Variants in GFRA1 observed in about 807,000 individuals in gnomAD.
GFRA1 encodes the protein GDNF family receptor alpha 1, also known as GDNF family receptor alpha-1.
A neutral mutation model predicts 51.6 loss-of-function variants in GFRA1; 16 were observed. That is an observed-to-expected ratio of 0.31 (90% CI 0.21 to 0.47). GFRA1 has a LOEUF of 0.47. GFRA1 is among the 20% of genes least tolerant of loss of function. The pLI, the probability that GFRA1 is intolerant of heterozygous loss-of-function variation, is 1.00. For missense variants in GFRA1, 530 were observed against 594.3 expected (o/e 0.89, Z 1.13); for synonymous variants, 270 against 241.3 (o/e 1.12, Z -1.10).
At chr10:116,208,467 G>T (rs1387361945) in intron 5 of GFRA1, among the ~76,000 whole-genome samples, 1 of 152,268 alleles carries the variant, frequency 6.6e-6, no homozygotes, top group East Asian at 1.9e-4. Context: ...CATGCCCTGT[G>T]TTTGAGGGGT....
intron 6 of GFRA1, among the ~76,000 whole-genome samples, chr10:116,107,418 C>T (rs1045861753): frequency 6.6e-6 from 1 of 152,168 alleles, no homozygotes; most frequent in Admixed American, 6.5e-5. Context: ...GTCCTAAGGA[C>T]AATTGATCCC....
intron 5 of GFRA1, among the ~76,000 whole-genome samples, chr10:116,179,623 G>A (rs1290339446): frequency 6.6e-6 from 1 of 152,170 alleles, no homozygotes; most frequent in South Asian, 2.1e-4. Context: ...CAGAAGATAT[G>A]GTGGGCCTTT....
At chr10:116,152,485 G>C (rs1959101856) in intron 5 of GFRA1, among the ~76,000 whole-genome samples, 1 of 152,178 alleles carries the variant, frequency 6.6e-6, no homozygotes. Context: ...AAGAGGCCCA[G>C]CAGAGGGCAG....
intron 10 of GFRA1, among the ~76,000 whole-genome samples, chr10:116,065,294 A>AT (rs1642929861): frequency 1.3e-5 from 2 of 152,174 alleles, no homozygotes; most frequent in Non-Finnish European, 2.9e-5. Context: ...GTGCTGGATG[A>AT]TTTTACATGA....
intron 6 of GFRA1, among the ~76,000 whole-genome samples, chr10:116,113,885 T>C (rs559343650): frequency 6.6e-6 from 1 of 152,236 alleles, no homozygotes; most frequent in South Asian, 2.1e-4. Flanking sequence ...ACAAAGTAAA[T>C]GCCAAGTACG....
chr10:116,106,017 T>G (rs771358113), intron 6 of GFRA1, among the ~76,000 whole-genome samples: 1 of 152,124 alleles, frequency 6.6e-6, no homozygotes, highest in African/African-American at 2.4e-5. Context: ...CAGGAGTCTT[T>G]AAAAGTGGAA....
At chr10:116,112,982 G>A (rs1203903207) in intron 6 of GFRA1, among the ~76,000 whole-genome samples, 1 of 152,154 alleles carries the variant, frequency 6.6e-6, no homozygotes, top group East Asian at 1.9e-4. Context: ...AGATTACTCT[G>A]GTCCATCTAG....
intron 5 of GFRA1, among the ~76,000 whole-genome samples, chr10:116,144,806 A>G (rs1173634392): frequency 6.6e-6 from 1 of 152,220 alleles, no homozygotes; most frequent in Non-Finnish European, 1.5e-5. Flanking sequence ...AACAAGACAT[A>G]TAATACCTCC....
intron 5 of GFRA1, among the ~76,000 whole-genome samples, chr10:116,138,070 G>A (rs998920210): frequency 6.6e-6 from 1 of 152,088 alleles, no homozygotes; most frequent in Admixed American, 6.5e-5. Flanking sequence ...CAAAGTGCTG[G>A]GATTACAGGC....
At chr10:116,208,471 G>C (rs1964949658) in intron 5 of GFRA1, among the ~76,000 whole-genome samples, 1 of 152,132 alleles carries the variant, frequency 6.6e-6, no homozygotes, top group Non-Finnish European at 1.5e-5. Flanking sequence ...CCCTGTGTTT[G>C]AGGGGTATGG....
chr10:116,075,072 T>G (rs1955556900), intron 9 of GFRA1, among the ~76,000 whole-genome samples: 1 of 152,228 alleles, frequency 6.6e-6, no homozygotes, highest in African/African-American at 2.4e-5. Flanking sequence ...AAGGGCTGAA[T>G]TACTGTCCTT....
At chr10:116,185,710 T>C (rs1321376404) in intron 5 of GFRA1, among the ~76,000 whole-genome samples, 1 of 152,198 alleles carries the variant, frequency 6.6e-6, no homozygotes, top group Non-Finnish European at 1.5e-5. Context: ...CTCCCTGTCC[T>C]GCTCCCCACC....
chr10:116,100,683 T>C (rs1956784077), intron 6 of GFRA1, among the ~76,000 whole-genome samples: 2 of 152,180 alleles, frequency 1.3e-5, no homozygotes, highest in South Asian at 2.1e-4. Context: ...GATCTCACCA[T>C]TGTTCGGCAA....
chr10:116,205,434 G>C (rs1964657562), intron 5 of GFRA1, among the ~76,000 whole-genome samples: 1 of 151,680 alleles, frequency 6.6e-6, no homozygotes, highest in African/African-American at 2.4e-5. Context: ...AATTAGCTGG[G>C]CGTAGCGGCA....
intron 5 of GFRA1, among the ~76,000 whole-genome samples, chr10:116,143,077 C>G (rs1247213396): frequency 6.6e-6 from 1 of 152,146 alleles, no homozygotes; most frequent in East Asian, 1.9e-4. Flanking sequence ...GCTGCCAGTG[C>G]TGAACAGAAT....
chr10:116,233,387 G>C (rs1966806646), intron 4 of GFRA1, among the ~76,000 whole-genome samples: 1 of 152,126 alleles, frequency 6.6e-6, no homozygotes, highest in African/African-American at 2.4e-5. Flanking sequence ...TTGGAAATGT[G>C]TAAGCATATT....
intron 4 of GFRA1, among the ~76,000 whole-genome samples, chr10:116,241,146 C>CAT (rs55911023): frequency 0.9 from 136,849 of 152,114 alleles, 62,806 homozygotes; most frequent in South Asian, 0.99. Context: ...ATTTCTAAAA[C>CAT]GTGTGTTTTT....
Position 116,064,323 on chromosome 10 carries a change from C to G in GFRA1, c.*75G>C. On this transcript the variant is annotated 3_prime_UTR_variant, in exon 11 of 11. Transcript: ENST00000355422. ...CTGAGCTCCTAAACTGGAATTTCAG[C>G]TATACAAGAGAACAGGAAACAGATA... 2 of 1,308,490 alleles carry G rather than the reference C, an allele frequency of 1.5e-6. No individual in the cohort carries two copies. The highest frequency in any genetic ancestry group is 1.1e-6 in the Non-Finnish European group (1 of 915,830). The allele number at this position is 1,308,490 out of a possible 1,614,324, so 81.1% of individuals were successfully genotyped here. A position where few individuals can be genotyped will look rare whatever the true frequency, so the allele number is the denominator to read the frequency against.
intron 9 of GFRA1, 90 bp from the exon 10 acceptor site, chr10:116,065,716 T>G: frequency 1.0e-6 from 1 of 969,472 alleles, no homozygotes; most frequent in South Asian, 1.3e-5. Flanking sequence ...GGCAATGCTC[T>G]CTGATAAATA....
Sources: allele counts gnomAD v4.1 joint callset (sites outside exome capture counted in the v4.1 genomes callset), GRCh38; gene constraint gnomAD v4.1.1; transcripts MANE v1.5; gene names NCBI Gene and HGNC (gene_info 2026-07-23, HGNC 2026-07-21).